Variants in DHX15 observed in about 807,000 individuals in gnomAD.
DHX15 encodes ATP-dependent RNA helicase DHX15.
A neutral mutation model predicts 94.4 loss-of-function variants in DHX15; 11 were observed. The observed-to-expected ratio is 0.12, with a 90% CI of 0.07 to 0.19. The LOEUF (loss-of-function observed/expected upper bound fraction) is 0.19. Ranked by LOEUF, DHX15 falls within the 10% of genes least tolerant of loss-of-function variation. The pLI is 1.00. For missense variants in DHX15, 304 were observed against 988.5 expected (o/e 0.31, Z 9.29); for synonymous variants, 338 against 329.9 (o/e 1.02, Z -0.27).
chr4:24,560,722 A>T (rs376683006), intron 3 of DHX15, among the ~76,000 whole-genome samples: 2 of 152,348 alleles, frequency 1.3e-5, no homozygotes, highest in South Asian at 4.1e-4. Flanking sequence ...TGAAACTAAG[A>T]TGCATTTTAA....
chr4:24,568,038 T>C (rs1722033680), intron 3 of DHX15, among the ~76,000 whole-genome samples: 2 of 152,190 alleles, frequency 1.3e-5, no homozygotes, highest in Non-Finnish European at 2.9e-5. Context: ...TGAATAGGTA[T>C]CCCAAACACT....
chr4:24,571,919 A>T (rs533415566), intron 2 of DHX15, among the ~76,000 whole-genome samples: 6 of 152,352 alleles, frequency 3.9e-5, no homozygotes, highest in African/African-American at 7.2e-5. Flanking sequence ...ATAACTAAAG[A>T]AGTAGTATCT....
intron 8 of DHX15, among the ~76,000 whole-genome samples, 154 bp downstream of exon 8, chr4:24,541,719 C>T (rs569110510): frequency 4.6e-5 from 7 of 152,036 alleles, no homozygotes; most frequent in African/African-American, 1.7e-4. Context: ...GTACGACTAT[C>T]TAAGTTAATT....
intron 1 of DHX15, among the ~76,000 whole-genome samples, chr4:24,577,318 G>C (rs868235336): frequency 2.6e-5 from 4 of 152,044 alleles, no homozygotes; most frequent in African/African-American, 9.7e-5. Flanking sequence ...ATACAAATAC[G>C]AATTACAGGA....
chr4:24,535,715 G>T (rs910472915), intron 11 of DHX15, among the ~76,000 whole-genome samples: 12 of 152,146 alleles, frequency 7.9e-5, no homozygotes, highest in African/African-American at 2.9e-4. Context: ...TGTAAATCAA[G>T]TTAGGTACTA....
chr4:24,574,916 T>A (rs1471327926), intron 2 of DHX15, among the ~76,000 whole-genome samples: 1 of 152,120 alleles, frequency 6.6e-6, no homozygotes, highest in African/African-American at 2.4e-5. Context: ...TTTTCCTTCA[T>A]TAAAAAAGAA....
chr4:24,529,960 CTATTTGTA>C, intron 12 of DHX15, 190 bp from the exon 13 acceptor site: 1 of 609,266 alleles, frequency 1.6e-6, no homozygotes, highest in Non-Finnish European at 2.9e-6. Context: ...CTCATAGCCT[CTATTTGTA>C]AGGTCTGTGA....
chr4:24,537,226 C>A lies in DHX15; in HGVS notation c.1787-53G>T, dbSNP rs541453939. The A allele has an allele frequency of 6.2e-7, 1 of 1,608,528 alleles. No homozygotes were observed. The highest frequency in any genetic ancestry group is 1.3e-5 in the African/African-American group (1 of 74,874). ...CAAACGCCCATATCGATGAGTCACG[C>A]ATTCACAGATAGAGGAACAAGGCCT... On this transcript the variant is annotated intron_variant, in intron 10 of 13. Transcript: ENST00000336812. This position sits in a 1 kb window ranked among gnomAD's most constrained non-coding sequence, Gnocchi z 4.7.
chr4:24,533,129 A>C (rs1334760161), intron 11 of DHX15, 75 bp from the exon 12 acceptor site: 1 of 1,286,018 alleles, frequency 7.8e-7, no homozygotes, highest in Admixed American at 1.7e-5. Context: ...AATTAAAAAA[A>C]TTGTTATAAA....
At chr4:24,567,190 C>A (rs532255502) in intron 3 of DHX15, among the ~76,000 whole-genome samples, 1 of 152,184 alleles carries the variant, frequency 6.6e-6, no homozygotes, top group Non-Finnish European at 1.5e-5. Context: ...TCAATTATTA[C>A]GTTTTTCTAC....
At chr4:24,579,981 G>A (rs1034967578) in intron 1 of DHX15, among the ~76,000 whole-genome samples, 9 of 152,188 alleles carry the variant, frequency 5.9e-5, no homozygotes, top group African/African-American at 2.2e-4. Context: ...GGCCAGGATG[G>A]TTTCAATCTC....
intron 1 of DHX15, among the ~76,000 whole-genome samples, chr4:24,583,564 G>A (rs752179382): frequency 1.8e-4 from 28 of 152,022 alleles, no homozygotes; most frequent in Admixed American, 5.9e-4. Flanking sequence ...GAGATGGCGG[G>A]AGCGTAGGCA....
rs757790980 is a variant in DHX15 at position 24,576,423 on chromosome 4, C to T, written c.327G>A (p.Thr109=). The T allele has an allele frequency of 2.4e-5, 38 of 1,613,988 alleles. No homozygotes were observed. In the Middle Eastern group the frequency reaches 6.6e-4, roughly 28 times the overall value. ...HSTHAGHAGH[T]SLPQCINPFT... is the part of the protein sequence containing the mutation. Reference sequence around the variant, plus strand: ...ACGGATTAATGCACTGTGGAAGTGACGTGTGACCTGCATGTCCGGCATGCG... The same window carrying T: ...ACGGATTAATGCACTGTGGAAGTGATGTGTGACCTGCATGTCCGGCATGCG... Residue 109 remains threonine, a synonymous_variant, in exon 2 of 14, where the codon ACG becomes ACA. Transcript: ENST00000336812.
In DHX15 at chr4:24,533,130, T is replaced by C. The variant is rs114396534; in HGVS notation, c.1910-76A>G. 1,419 of 1,286,128 alleles carry C rather than the reference T, an allele frequency of 1.1e-3. 6 individuals carry two copies. In the African/African-American group the frequency reaches 0.014, roughly 12 times the overall value. 79.7% of individuals were successfully genotyped at this position (1,286,128 alleles called of 1,614,324 possible). A position where few individuals can be genotyped will look rare whatever the true frequency, so the allele number is the denominator to read the frequency against. ...CAGGAATGTTCTCTAATTAAAAAAA[T>C]TGTTATAAAGAATAAGCTAAATAAA... On this transcript the variant is annotated intron_variant, in intron 11 of 13. Coordinates refer to ENST00000336812, the MANE Select transcript of DHX15 (RefSeq NM_001358.3).
Position 24,527,650 on chromosome 4 carries a change from A to G in DHX15, c.*274T>C. The G allele has an allele frequency of 3.3e-6, 1 of 298,810 alleles. No individual in the cohort carries two copies. The highest frequency in any genetic ancestry group is 6.2e-6 in the Non-Finnish European group (1 of 160,838). The allele number at this position is 298,810 out of a possible 1,614,324, so 18.5% of individuals were successfully genotyped here. On this transcript the variant is annotated 3_prime_UTR_variant, in exon 14 of 14. Transcript: ENST00000336812. ...TAGAAGCATTTTCAACCATTTCTAA[A>G]GAAATGCTTATAACATTGTTATATA... is the stretch of plus-strand genomic sequence containing the variant.
At chr4:24,569,591 C>CAAAAAAAAA (rs60075617) in intron 3 of DHX15, among the ~76,000 whole-genome samples, 7 of 68,674 alleles carry the variant, frequency 1.0e-4, no homozygotes, top group East Asian at 1.0e-3. Flanking sequence ...GACTCCATCT[C>CAAAAAAAAA]AAAAAAAAAA....
intron 2 of DHX15, among the ~76,000 whole-genome samples, chr4:24,574,205 C>CA (rs61031930): frequency 0.17 from 11,944 of 68,644 alleles, 1,985 homozygotes; most frequent in South Asian, 0.33. Context: ...GACTTTGTCT[C>CA]AAAAAAAAAA....
At chr4:24,577,439 C>A (rs1722297911) in intron 1 of DHX15, among the ~76,000 whole-genome samples, 2 of 152,098 alleles carry the variant, frequency 1.3e-5, no homozygotes, top group South Asian at 4.2e-4. Context: ...TTCCTTCTTG[C>A]TTGTTTACTC....
intron 6 of DHX15, among the ~76,000 whole-genome samples, chr4:24,545,301 T>C (rs185615585): frequency 4.6e-5 from 7 of 152,364 alleles, no homozygotes; most frequent in Admixed American, 2.6e-4. Context: ...AAATTTCTCA[T>C]GTGACCAACT....
Sources: gnomAD v4.1 joint callset for allele counts (sites outside exome capture counted in the v4.1 genomes callset) on GRCh38, gnomAD v4.1.1 for gene constraint, Gnocchi (gnomAD v3.1) non-coding constraint, MANE v1.5 for transcripts, NCBI Gene and HGNC (gene_info 2026-07-23, HGNC 2026-07-21) for gene names.